The following COL22A1 variants were observed in gnomAD, a reference collection of about 807,000 sequenced individuals.
COL22A1 encodes the protein collagen alpha-1(XXII) chain.
A neutral mutation model predicts 248.9 loss-of-function variants in COL22A1; 221 were observed. That is an observed-to-expected ratio of 0.89 (90% CI 0.80 to 0.99). The LOEUF is 0.99. Among genes scored for constraint, COL22A1 ranks in the 50% least tolerant of loss-of-function variants. The pLI is 0.00. For missense variants in COL22A1, 2,240 were observed against 2,179.0 expected, an observed-to-expected ratio of 1.03 and a Z score of -0.56; for synonymous variants, 891 against 793.4, an observed-to-expected ratio of 1.12 and a Z score of -2.07.
intron 3 of COL22A1, among the ~76,000 whole-genome samples, chr8:138,870,613 GAT>G (rs1375206324): frequency 1.3e-5 from 2 of 151,866 alleles, no homozygotes; most frequent in African/African-American, 2.4e-5. Flanking sequence ...GTATGTGTGT[GAT>G]ATGTCTATGG....
chr8:138,660,156 C>A (rs888843924), intron 44 of COL22A1, among the ~76,000 whole-genome samples: 1 of 152,224 alleles, frequency 6.6e-6, no homozygotes, highest in African/African-American at 2.4e-5. Context: ...TTGGGCCAAG[C>A]CTTCTGACAG....
chr8:138,724,379 T>C (rs1383975449), intron 25 of COL22A1, among the ~76,000 whole-genome samples: 4 of 152,140 alleles, frequency 2.6e-5, no homozygotes, highest in African/African-American at 9.7e-5. Context: ...GGGACTGTGG[T>C]CCTAATCCGC....
At chr8:138,617,053 C>T in intron 53 of COL22A1, 95 bp from the exon 54 acceptor site, 1 of 1,307,768 alleles carries the variant, frequency 7.6e-7, no homozygotes. Context: ...ACCCACGTTG[C>T]CCCCGCTCAT....
intron 25 of COL22A1, among the ~76,000 whole-genome samples, chr8:138,723,357 G>A (rs767675974): frequency 4.6e-5 from 7 of 152,114 alleles, no homozygotes; most frequent in Non-Finnish European, 1.0e-4. Flanking sequence ...CAGGAGGAAG[G>A]GCTTTTGAGG....
chr8:138,652,318 A>C (rs1260587874), intron 45 of COL22A1, among the ~76,000 whole-genome samples: 4 of 152,226 alleles, frequency 2.6e-5, no homozygotes. Flanking sequence ...GGGATGTCAA[A>C]GTCTTATGAT....
intron 5 of COL22A1, chr8:138,827,056 A>C (rs1819644013): frequency 2.4e-6 from 1 of 418,550 alleles, no homozygotes; most frequent in Non-Finnish European, 4.5e-6. Flanking sequence ...CACCACCATG[A>C]CTCTGATGAC....
At chr8:138,606,744 T>C (rs1337796674) in intron 57 of COL22A1, among the ~76,000 whole-genome samples, 2 of 152,012 alleles carry the variant, frequency 1.3e-5, no homozygotes, top group Non-Finnish European at 2.9e-5. Context: ...CCCTGAGATG[T>C]GTGGAGCTCT....
intron 11 of COL22A1, among the ~76,000 whole-genome samples, chr8:138,799,043 T>C (rs1343157407): frequency 1.3e-5 from 2 of 152,198 alleles, no homozygotes; most frequent in African/African-American, 4.8e-5. Flanking sequence ...TTCTCTGTTC[T>C]TCAGATTACA....
intron 41 of COL22A1, among the ~76,000 whole-genome samples, chr8:138,670,861 T>C (rs1055932307): frequency 1.4e-5 from 2 of 143,782 alleles, no homozygotes; most frequent in African/African-American, 5.1e-5. Flanking sequence ...CTCAGGAGGC[T>C]GAGGTGGGAG....
chr8:138,775,213 G>T (rs968846234), intron 16 of COL22A1, among the ~76,000 whole-genome samples: 1 of 152,182 alleles, frequency 6.6e-6, no homozygotes, highest in Non-Finnish European at 1.5e-5. Flanking sequence ...GGAACTCAAT[G>T]AATGGGGCTG....
rs1449170729 is a variant in COL22A1 at position 138,686,056 on chromosome 8, C to T, written c.2863-744G>A. Among the ~76,000 whole-genome samples the T allele has an allele frequency of 2.6e-5, 4 of 152,256 alleles. No individual in the cohort carries two copies. The East Asian group carries it at 7.7e-4, about 29-fold the overall frequency. ...TTTGTCAGGTAGCTCTGTTATGCAA[C>T]ATTTCTTTATACTCAACCTTCTCTG... On this transcript the variant is annotated intron_variant, in intron 37 of 64. Transcript: ENST00000303045.
At chr8:138,669,130 G>A (rs2130752524) in intron 41 of COL22A1, among the ~76,000 whole-genome samples, 1 of 152,296 alleles carries the variant, frequency 6.6e-6, no homozygotes, top group East Asian at 1.9e-4. Context: ...CAAGAGGTGG[G>A]CTCAGATCCA....
In COL22A1 at chr8:138,613,013, G is replaced by C. The variant is rs370124849; in HGVS notation, c.3978+854C>G. ...CCTGTAATCCCAATACTTTGGGAGG[G>C]CGAGGCGGGCAGATTATGAGGTCAG... On this transcript the variant is annotated intron_variant, in intron 56 of 64. Transcript: ENST00000303045. Among the ~76,000 whole-genome samples the C allele has an allele frequency of 5.9e-5, 9 of 151,464 alleles. No homozygotes were observed. The East Asian group carries it at 7.8e-4, about 13-fold the overall frequency.
At chr8:138,814,456 T>G (rs11166847) in intron 7 of COL22A1, among the ~76,000 whole-genome samples, 43,009 of 152,068 alleles carry the variant, frequency 0.28, 6,343 homozygotes, top group African/African-American at 0.34. Flanking sequence ...TGTCCCTCTC[T>G]CTCTCATCAC....
intron 30 of COL22A1, among the ~76,000 whole-genome samples, chr8:138,715,398 G>A (rs1056983044): frequency 2.6e-5 from 4 of 151,620 alleles, no homozygotes; most frequent in Admixed American, 6.6e-5. Flanking sequence ...GAGAAATCTC[G>A]TCTCTACTAA....
intron 41 of COL22A1, among the ~76,000 whole-genome samples, chr8:138,668,832 T>C (rs1213560035): frequency 2.0e-5 from 3 of 152,102 alleles, no homozygotes; most frequent in Non-Finnish European, 4.4e-5. Flanking sequence ...TGAGTCAGGG[T>C]TACGGGATGC....
chr8:138,595,944 TG>T (rs937291746), intron 62 of COL22A1, among the ~76,000 whole-genome samples: 1 of 152,234 alleles, frequency 6.6e-6, no homozygotes, highest in Non-Finnish European at 1.5e-5. Context: ...CAAGAGAGCT[TG>T]GTGATGAAGA....
chr8:138,898,505 A>G (rs1814294669), intron 1 of COL22A1, among the ~76,000 whole-genome samples: 1 of 152,134 alleles, frequency 6.6e-6, no homozygotes, highest in South Asian at 2.1e-4. Flanking sequence ...ACCATAGTTT[A>G]TGGGATTGGG....
intron 56 of COL22A1, 53 bp from the exon 57 acceptor site, chr8:138,608,042 G>A (rs984621357): frequency 1.3e-5 from 20 of 1,563,258 alleles, no homozygotes; most frequent in South Asian, 4.5e-5. Context: ...AGAGCAGGAC[G>A]GTGGAACAAA....
Sources: allele counts gnomAD v4.1 joint callset (sites outside exome capture counted in the v4.1 genomes callset), GRCh38; gene constraint gnomAD v4.1.1; transcripts MANE v1.5; gene names NCBI Gene and HGNC (gene_info 2026-07-23, HGNC 2026-07-21).